The following ATXN7L1 variants were observed in gnomAD, a reference collection of about 807,000 sequenced individuals.
ATXN7L1 encodes ataxin 7 like 1.
ATXN7L1 carries 15 observed loss-of-function variants against 70.8 expected under a neutral mutation model. The observed-to-expected ratio is 0.21, with a 90% CI of 0.14 to 0.33. The LOEUF (loss-of-function observed/expected upper bound fraction) is 0.33. Among genes scored for constraint, ATXN7L1 ranks in the 10% least tolerant of loss-of-function variants. The probability of loss-of-function intolerance (pLI) is 1.00; values close to 1 mark genes in which losing one functional copy is unlikely to be tolerated. For synonymous variants in ATXN7L1, 440 were observed against 445.1 expected (o/e 0.99, Z 0.14); for missense variants, 975 against 1,097.1 (o/e 0.89, Z 1.57).
intron 2 of ATXN7L1, among the ~76,000 whole-genome samples, chr7:105,794,940 C>A (rs1011741207): frequency 6.6e-6 from 1 of 152,222 alleles, no homozygotes; most frequent in Non-Finnish European, 1.5e-5. Flanking sequence ...AGCAGCCCTC[C>A]ACTTCCCTTA....
intron 11 of ATXN7L1, among the ~76,000 whole-genome samples, chr7:105,609,528 A>G (rs979182302): frequency 6.6e-6 from 1 of 151,126 alleles, no homozygotes; most frequent in Non-Finnish European, 1.5e-5. Context: ...TGCAAGGTGC[A>G]ATCACAGCTC....
chr7:105,740,893 T>C (rs1334277717), intron 3 of ATXN7L1, among the ~76,000 whole-genome samples: 1 of 151,402 alleles, frequency 6.6e-6, no homozygotes, highest in Non-Finnish European at 1.5e-5. Context: ...GCCTCCTGAG[T>C]AGCTGGGACT....
In ATXN7L1 at chr7:105,692,407, T is replaced by C. The variant is rs146638979; in HGVS notation, c.356-27119A>G. 1.3e-3 allele frequency among the ~76,000 whole-genome samples: 104 copies of C among 82,290 alleles called. 1 individual carries two copies. The highest frequency in any genetic ancestry group is 3.2e-3 in the African/African-American group (75 of 23,330). The allele number at this position is 82,290 out of a possible 152,430, so 54.0% of individuals were successfully genotyped here. On this transcript the variant is annotated intron_variant, in intron 3 of 11. Transcript: ENST00000419735. ...CTTCCTTCCTTCCTTCCTTCCTTCC[T>C]TCCTTCCTTCCTTCCTTCCTCCCTC...
intron 3 of ATXN7L1, chr7:105,760,254 TTATG>T (rs2116410495): frequency 1.0e-6 from 1 of 981,566 alleles, no homozygotes; most frequent in South Asian, 4.7e-5. Flanking sequence ...CAAAGGATAT[TTATG>T]TATGGTTTTA....
At chr7:105,870,898 G>A (rs78001149) in intron 2 of ATXN7L1, among the ~76,000 whole-genome samples, 10,426 of 152,106 alleles carry the variant, frequency 0.069, 555 homozygotes, top group East Asian at 0.26. Context: ...AACACATTGG[G>A]TTTTGGACTC....
chr7:105,854,645 T>TC (rs925365385), intron 2 of ATXN7L1, among the ~76,000 whole-genome samples: 2 of 152,142 alleles, frequency 1.3e-5, no homozygotes, highest in African/African-American at 4.8e-5. Context: ...TTCAAATCCT[T>TC]CTTAGTGAGG....
intron 3 of ATXN7L1, among the ~76,000 whole-genome samples, chr7:105,704,208 G>T (rs1194226222): frequency 6.6e-6 from 1 of 152,156 alleles, no homozygotes; most frequent in Non-Finnish European, 1.5e-5. Flanking sequence ...CTCATCACCA[G>T]ATTTTGAGCC....
chr7:105,641,194 T>TTCTC lies in ATXN7L1; in HGVS notation c.863-1629_863-1626dup, dbSNP rs1239270241. 1.0e-3 allele frequency among the ~76,000 whole-genome samples: 110 copies of TTCTC among 106,012 alleles called. 1 individual carries two copies. Among genetic ancestry groups the TTCTC allele is most frequent in the South Asian group, 2.8e-3 (9 of 3,212 alleles). 69.5% of individuals were successfully genotyped at this position (106,012 alleles called of 152,430 possible). Reference sequence around the variant, plus strand: ...CCTTTTTTTGCTTTTTGTCTGCCTTTTCTCTCTCTCTCTCTCTCTCTTTTT... The same window carrying TTCTC: ...CCTTTTTTTGCTTTTTGTCTGCCTTTTCTCTCTCTCTCTCTCTCTCTCTCTTTTT... On this transcript the variant is annotated intron_variant, in intron 5 of 11. Transcript: ENST00000419735.
chr7:105,816,194 C>G (rs1347244480), intron 2 of ATXN7L1, among the ~76,000 whole-genome samples: 1 of 151,972 alleles, frequency 6.6e-6, no homozygotes, highest in Non-Finnish European at 1.5e-5. Flanking sequence ...GGAACGCAGT[C>G]TAAGCATCTA....
At chr7:105,673,693 C>T (rs559689584) in intron 3 of ATXN7L1, among the ~76,000 whole-genome samples, 5 of 152,312 alleles carry the variant, frequency 3.3e-5, no homozygotes, top group East Asian at 1.9e-4. Flanking sequence ...CACTGGGAGC[C>T]GTGCCAGGAG....
intron 3 of ATXN7L1, among the ~76,000 whole-genome samples, chr7:105,757,992 G>T (rs1024959905): frequency 7.9e-5 from 12 of 152,132 alleles, no homozygotes; most frequent in Non-Finnish European, 1.6e-4. Context: ...GCTGGCTGGT[G>T]CTCTTCTTCC....
intron 2 of ATXN7L1, among the ~76,000 whole-genome samples, chr7:105,793,563 A>G (rs1805551947): frequency 6.6e-6 from 1 of 152,118 alleles, no homozygotes; most frequent in African/African-American, 2.4e-5. Flanking sequence ...GCACATGTGT[A>G]CACATGTGGA....
intron 4 of ATXN7L1, among the ~76,000 whole-genome samples, chr7:105,664,710 G>A (rs1404992367): frequency 6.6e-6 from 1 of 151,440 alleles, no homozygotes; most frequent in African/African-American, 2.4e-5. Flanking sequence ...GGGATTACAG[G>A]TGTGTGCCAC....
Position 105,605,475 on chromosome 7 carries a change from T to TGTGG in ATXN7L1, c.*2376_*2377insCCAC, listed in dbSNP as rs1792721120. 1.6e-5 allele frequency: 1 copy of TGTGG among 64,438 alleles called. No individual in the cohort carries two copies. Among genetic ancestry groups the TGTGG allele is most frequent in the Non-Finnish European group, 3.4e-5 (1 of 29,488 alleles). 4.0% of individuals were successfully genotyped at this position (64,438 alleles called of 1,614,324 possible). On this transcript the variant is annotated 3_prime_UTR_variant, in exon 12 of 12. Transcript: ENST00000419735. Reference sequence around the variant, plus strand: ...CAAAGTAAGCAGCATTCGATGAGGGTGGGGGGGGGGGTGGGGGCTCTTTAT... The same window carrying TGTGG: ...CAAAGTAAGCAGCATTCGATGAGGGTGTGGGGGGGGGGGGGTGGGGGCTCTTTAT...
intron 3 of ATXN7L1, among the ~76,000 whole-genome samples, chr7:105,780,617 AGCCGTATG>A (rs1803387744): frequency 6.6e-6 from 1 of 151,866 alleles, no homozygotes; most frequent in Admixed American, 6.6e-5. Context: ...CGGGGTGTGC[AGCCGTATG>A]GCCTTCTGCT....
At chr7:105,657,086 G>A (rs904011356) in intron 4 of ATXN7L1, among the ~76,000 whole-genome samples, 2 of 152,226 alleles carry the variant, frequency 1.3e-5, no homozygotes. Context: ...GTCCAGTATG[G>A]GTTGGCACTG....
At chr7:105,633,158 G>T (rs1796853307) in intron 7 of ATXN7L1, among the ~76,000 whole-genome samples, 1 of 152,150 alleles carries the variant, frequency 6.6e-6, no homozygotes, top group Non-Finnish European at 1.5e-5. Context: ...CAATTTAAGT[G>T]TGAGAGTAGA....
rs1380360005 is a variant in ATXN7L1, at chr7:105,733,813, C to T, written c.355+54791G>A. Among the ~76,000 whole-genome samples the T allele has an allele frequency of 1.0e-3, 88 of 84,498 alleles. 1 individual carries two copies. The highest frequency in any genetic ancestry group is 2.1e-3 in the Admixed American group (15 of 7,202). The allele number at this position is 84,498 out of a possible 152,430, so 55.4% of individuals were successfully genotyped here. A position where few individuals can be genotyped will look rare whatever the true frequency, so the allele number is the denominator to read the frequency against. On this transcript the variant is annotated intron_variant, in intron 3 of 11. Transcript: ENST00000419735. ...ATCCTTCCATCCATCCACCCAACCACCCATCCATCCACCCCTCCATCCGTC... is the reference window on the plus strand; with the variant it reads ...ATCCTTCCATCCATCCACCCAACCATCCATCCATCCACCCCTCCATCCGTC...
chr7:105,834,566 C>T (rs1360890928), intron 2 of ATXN7L1, among the ~76,000 whole-genome samples: 3 of 152,142 alleles, frequency 2.0e-5, no homozygotes, highest in Non-Finnish European at 4.4e-5. Flanking sequence ...TAAGGTCAAA[C>T]GTCATAACAT....
Sources: gnomAD v4.1 joint callset for allele counts (sites outside exome capture counted in the v4.1 genomes callset) on GRCh38, gnomAD v4.1.1 for gene constraint, MANE v1.5 for transcripts, NCBI Gene and HGNC (gene_info 2026-07-23, HGNC 2026-07-21) for gene names.